The following DIP2C variants were observed in gnomAD, a reference collection of about 807,000 sequenced individuals.
DIP2C encodes DIP2 acetate--CoA ligase C (putative), also known as disco-interacting protein 2 homolog C.
Under a neutral mutation model 192.4 loss-of-function variants are expected in DIP2C, and 33 were observed. That is an observed-to-expected ratio of 0.17 (90% CI 0.13 to 0.23). The LOEUF is 0.23. DIP2C is among the 10% of genes least tolerant of loss of function. The pLI is 1.00. For missense variants in DIP2C, 1,537 were observed against 2,110.1 expected (o/e 0.73, Z 5.32); for synonymous variants, 979 against 864.1 (o/e 1.13, Z -2.33).
chr10:351,258 G>T (rs907932031), intron 24 of DIP2C, among the ~76,000 whole-genome samples: 1 of 152,204 alleles, frequency 6.6e-6, no homozygotes, highest in Non-Finnish European at 1.5e-5. Flanking sequence ...CAGCTCGAAG[G>T]GCCCGTGTCA....
chr10:331,183 T>C (rs748106975), intron 29 of DIP2C, among the ~76,000 whole-genome samples: 5 of 152,160 alleles, frequency 3.3e-5, no homozygotes, highest in African/African-American at 4.8e-5. Flanking sequence ...TACTATGCTA[T>C]AATACTAAAG....
At position 362,480 on chromosome 10, in the gene DIP2C, G is replaced by A. The variant is rs1382726815; in HGVS notation, c.2794+10C>T. The A allele has an allele frequency of 1.9e-6, 3 of 1,612,822 alleles. No homozygotes were observed. Among genetic ancestry groups the A allele is most frequent in the Non-Finnish European group, 2.5e-6 (3 of 1,179,576 alleles). ...CCGCACCTCACAAGCTGCCCAAGTG[G>A]TGCACATACCTGGCTGCTTCTGTCG... On this transcript the variant is annotated intron_variant, in intron 22 of 36. Coordinates refer to ENST00000280886, the MANE Select transcript of DIP2C (RefSeq NM_014974.3).
intron 31 of DIP2C, among the ~76,000 whole-genome samples, chr10:326,206 A>T (rs1209993516): frequency 6.6e-6 from 1 of 152,116 alleles, no homozygotes; most frequent in South Asian, 2.1e-4. Context: ...AGTAAAAGAA[A>T]AATCAAGAAA....
chr10:527,156 A>C (rs941320065), intron 1 of DIP2C, among the ~76,000 whole-genome samples: 1 of 152,092 alleles, frequency 6.6e-6, no homozygotes, highest in African/African-American at 2.4e-5. Context: ...CCGGTTCATA[A>C]CTCAGCTCAC....
At chr10:289,823 C>T (rs940478074) in intron 32 of DIP2C, among the ~76,000 whole-genome samples, 1 of 152,144 alleles carries the variant, frequency 6.6e-6, no homozygotes, top group Admixed American at 6.6e-5. Context: ...TGGGAGGCAC[C>T]CAGCAGTGTG....
chr10:539,508 A>C (rs1435073225), intron 1 of DIP2C, among the ~76,000 whole-genome samples: 1 of 152,194 alleles, frequency 6.6e-6, no homozygotes, highest in African/African-American at 2.4e-5. Context: ...GTGCCCACAG[A>C]CCTTGGTATC....
intron 1 of DIP2C, among the ~76,000 whole-genome samples, chr10:518,868 T>G (rs976111508): frequency 3.3e-5 from 5 of 152,148 alleles, no homozygotes; most frequent in Non-Finnish European, 5.9e-5. Context: ...TTACTAGGAT[T>G]AAAGGAAAAG....
intron 3 of DIP2C, among the ~76,000 whole-genome samples, chr10:450,033 C>T (rs748697525): frequency 6.6e-5 from 10 of 152,090 alleles, no homozygotes; most frequent in Non-Finnish European, 1.5e-4. Context: ...ACAGGAATCT[C>T]ACCATCTCGA....
At chr10:485,089 G>T in intron 2 of DIP2C, 1 of 1,135,362 alleles carries the variant, frequency 8.8e-7, no homozygotes, top group East Asian at 2.6e-5. Flanking sequence ...CGCCCTCTGC[G>T]CCCGGCTAAG....
intron 10 of DIP2C, among the ~76,000 whole-genome samples, chr10:395,400 C>T (rs1490906871): frequency 6.6e-6 from 1 of 151,982 alleles, no homozygotes; most frequent in Non-Finnish European, 1.5e-5. Flanking sequence ...CACACTCTAC[C>T]CCATAAATGT....
intron 1 of DIP2C, among the ~76,000 whole-genome samples, chr10:573,871 C>T (rs1365941803): frequency 6.6e-6 from 1 of 152,198 alleles, no homozygotes; most frequent in Non-Finnish European, 1.5e-5. Flanking sequence ...ATTTTATTCA[C>T]AGAAGCAGCA....
chr10:557,878 C>CAGGA (rs1848989498), intron 1 of DIP2C, among the ~76,000 whole-genome samples: 1 of 22,134 alleles, frequency 4.5e-5, no homozygotes, highest in African/African-American at 2.7e-4. Context: ...GGCAGGCAGG[C>CAGGA]AGGGGGAGGG....
At chr10:375,267 CCTCTCT>C (rs367835226) in intron 17 of DIP2C, among the ~76,000 whole-genome samples, 1 of 151,322 alleles carries the variant, frequency 6.6e-6, no homozygotes, top group Non-Finnish European at 1.5e-5. Context: ...CTGGGCACCT[CCTCTCT>C]CTCTCTCTTG....
chr10:282,916 T>C (rs573718661), intron 35 of DIP2C, among the ~76,000 whole-genome samples: 2 of 152,340 alleles, frequency 1.3e-5, no homozygotes, highest in Admixed American at 6.5e-5. Flanking sequence ...ATGGACCCCG[T>C]GGGAGCAGGC....
intron 1 of DIP2C, among the ~76,000 whole-genome samples, chr10:637,135 T>C (rs1011381655): frequency 1.3e-5 from 2 of 152,268 alleles, no homozygotes; most frequent in African/African-American, 4.8e-5. Flanking sequence ...GACATTTCCC[T>C]ACCAGGTATC....
chr10:618,553 G>T (rs1034834504), intron 1 of DIP2C, among the ~76,000 whole-genome samples: 1 of 151,614 alleles, frequency 6.6e-6, no homozygotes, highest in Non-Finnish European at 1.5e-5. Flanking sequence ...GGTGACGGTG[G>T]CTTTCACTCC....
chr10:667,415 G>C (rs756291197), intron 1 of DIP2C: 1 of 152,224 alleles, frequency 6.6e-6, no homozygotes, highest in Non-Finnish European at 1.5e-5. Context: ...GGGGCTGCAC[G>C]GCAGGACTTG....
intron 1 of DIP2C, among the ~76,000 whole-genome samples, chr10:587,422 C>T (rs1851130321): frequency 6.6e-6 from 1 of 152,216 alleles, no homozygotes; most frequent in African/African-American, 2.4e-5. Context: ...GATTGCTGGG[C>T]ACGTGGGAGG....
intron 24 of DIP2C, among the ~76,000 whole-genome samples, chr10:351,522 G>A (rs1958809888): frequency 6.6e-6 from 1 of 152,222 alleles, no homozygotes; most frequent in African/African-American, 2.4e-5. Flanking sequence ...CCTCCATGGA[G>A]AGGATTAGCT....
Sources: gnomAD v4.1 joint callset for allele counts (sites outside exome capture counted in the v4.1 genomes callset) on GRCh38, gnomAD v4.1.1 for gene constraint, MANE v1.5 for transcripts, NCBI Gene and HGNC (gene_info 2026-07-23, HGNC 2026-07-21) for gene names.